Variants in SCD5 observed in about 807,000 individuals in gnomAD.
The protein encoded by SCD5 is acyl-CoA-desaturase 4.
SCD5 carries 20 observed loss-of-function variants against 30.4 expected under a neutral mutation model. That is an observed-to-expected ratio of 0.66 (90% CI 0.46 to 0.96). The LOEUF is 0.96. SCD5 is among the 40% of genes least tolerant of loss of function. The pLI is 0.00. For missense variants in SCD5, 381 were observed against 443.3 expected, an observed-to-expected ratio of 0.86 and a Z score of 1.26; for synonymous variants, 173 against 176.4, an observed-to-expected ratio of 0.98 and a Z score of 0.16.
At chr4:82,720,087 C>A (rs368657449) in intron 1 of SCD5, among the ~76,000 whole-genome samples, 18 of 152,024 alleles carry the variant, frequency 1.2e-4, no homozygotes, top group Admixed American at 3.3e-4. Context: ...CATAATGCAA[C>A]CCTGAGTATA....
At chr4:82,735,988 C>A (rs1450483994) in intron 1 of SCD5, among the ~76,000 whole-genome samples, 1 of 152,104 alleles carries the variant, frequency 6.6e-6, no homozygotes, top group Non-Finnish European at 1.5e-5. Context: ...TTATAACACA[C>A]AAATTTATTA....
intron 1 of SCD5, among the ~76,000 whole-genome samples, chr4:82,729,295 G>A (rs1021335804): frequency 2.6e-5 from 4 of 152,208 alleles, no homozygotes; most frequent in African/African-American, 7.2e-5. Flanking sequence ...GAAGGAAGGA[G>A]GGGCTGTACC....
At chr4:82,702,857 T>G (rs534901863) in intron 2 of SCD5, among the ~76,000 whole-genome samples, 17 of 152,242 alleles carry the variant, frequency 1.1e-4, no homozygotes, top group Admixed American at 3.3e-4. Flanking sequence ...TAGGGTTAAG[T>G]GGTTTAAATA....
intron 3 of SCD5, among the ~76,000 whole-genome samples, chr4:82,668,005 G>A (rs918908305): frequency 1.3e-5 from 2 of 152,182 alleles, no homozygotes; most frequent in African/African-American, 4.8e-5. Context: ...ATGATGAAGT[G>A]AGGAGAGAAT....
At chr4:82,698,153 T>C (rs1374716774) in intron 2 of SCD5, 1 of 456,226 alleles carries the variant, frequency 2.2e-6, no homozygotes, top group Non-Finnish European at 4.4e-6. Flanking sequence ...CTGTTTCTGA[T>C]GTGCAGAAGA....
chr4:82,694,367 T>C (rs974174055), intron 2 of SCD5, among the ~76,000 whole-genome samples: 5 of 152,310 alleles, frequency 3.3e-5, no homozygotes, highest in Non-Finnish European at 7.4e-5. Flanking sequence ...GTTGACGCTG[T>C]CAGTGCCAAA....
intron 1 of SCD5, among the ~76,000 whole-genome samples, chr4:82,784,609 T>C (rs1344099279): frequency 6.6e-6 from 1 of 152,128 alleles, no homozygotes; most frequent in Non-Finnish European, 1.5e-5. Flanking sequence ...GACAAGTGAG[T>C]GAAAGCCCCA....
In SCD5 at chr4:82,665,005, A is replaced by C. The variant is rs1318666257; in HGVS notation, c.569+15702T>G. 7.1e-3 allele frequency among the ~76,000 whole-genome samples: 806 copies of C among 112,982 alleles called. 13 individuals carry two copies. Among genetic ancestry groups the C allele is most frequent in the African/African-American group, 0.021 (532 of 24,842 alleles). The allele number at this position is 112,982 out of a possible 152,430, so 74.1% of individuals were successfully genotyped here. ...TCTCTCTCTCTCTCTCTCTCTATAT[A>C]TATATATATATATATGTATAATACA... On this transcript the variant is annotated intron_variant, in intron 3 of 4. Coordinates refer to ENST00000319540, the MANE Select transcript of SCD5 (RefSeq NM_001037582.3).
chr4:82,708,497 C>G (rs1319869573), intron 1 of SCD5, among the ~76,000 whole-genome samples: 3 of 152,120 alleles, frequency 2.0e-5, no homozygotes, highest in Non-Finnish European at 2.9e-5. Context: ...GACCCTACAC[C>G]TATGCCTGAA....
chr4:82,763,268 T>C (rs1279124079), intron 1 of SCD5, among the ~76,000 whole-genome samples: 2 of 152,094 alleles, frequency 1.3e-5, no homozygotes, highest in African/African-American at 4.8e-5. Flanking sequence ...TCCCAGCACT[T>C]TGGGAGGCTG....
chr4:82,745,540 T>G (rs1031183249), intron 1 of SCD5, among the ~76,000 whole-genome samples: 5 of 152,248 alleles, frequency 3.3e-5, no homozygotes, highest in Non-Finnish European at 7.3e-5. Flanking sequence ...GGGGTACATG[T>G]GCAGGATGTG....
At chr4:82,652,510 T>C (rs1250369834) in intron 3 of SCD5, among the ~76,000 whole-genome samples, 1 of 152,114 alleles carries the variant, frequency 6.6e-6, no homozygotes, top group East Asian at 1.9e-4. Context: ...AGATTCCAAT[T>C]CTACCACTTA....
intron 1 of SCD5, among the ~76,000 whole-genome samples, chr4:82,731,004 AC>A (rs1458602836): frequency 6.6e-6 from 1 of 152,290 alleles, no homozygotes; most frequent in East Asian, 1.9e-4. Flanking sequence ...TGCTTGGGGT[AC>A]ACAGGAAACC....
intron 2 of SCD5, among the ~76,000 whole-genome samples, chr4:82,694,858 C>G (rs1239966948): frequency 6.6e-6 from 1 of 152,150 alleles, no homozygotes; most frequent in Non-Finnish European, 1.5e-5. Context: ...CTGCGCAGTT[C>G]AAACCCATTC....
At chr4:82,736,375 G>T (rs1163575076) in intron 1 of SCD5, among the ~76,000 whole-genome samples, 1 of 149,246 alleles carries the variant, frequency 6.7e-6, no homozygotes, top group Non-Finnish European at 1.5e-5. Context: ...TTGAGAGGCT[G>T]AGGCAGGTGG....
intron 4 of SCD5, among the ~76,000 whole-genome samples, chr4:82,632,811 C>T (rs944949717): frequency 1.3e-5 from 2 of 152,054 alleles, no homozygotes; most frequent in African/African-American, 4.8e-5. Flanking sequence ...CTCATGAGAG[C>T]TCTCATGGCT....
At chr4:82,734,703 T>C (rs188742082) in intron 1 of SCD5, among the ~76,000 whole-genome samples, 16 of 152,190 alleles carry the variant, frequency 1.1e-4, no homozygotes, top group Middle Eastern at 3.4e-3. Context: ...TTTTTAGCTG[T>C]ATTGTTGCTT....
intron 1 of SCD5, among the ~76,000 whole-genome samples, chr4:82,797,865 G>A (rs954435690): frequency 6.6e-6 from 1 of 152,094 alleles, no homozygotes; most frequent in African/African-American, 2.4e-5. Flanking sequence ...TCCGTGACCC[G>A]CGGAGGTGAT....
chr4:82,697,384 A>G (rs138749929), intron 2 of SCD5, among the ~76,000 whole-genome samples: 27 of 152,286 alleles, frequency 1.8e-4, no homozygotes, highest in Admixed American at 5.9e-4. Flanking sequence ...AAATATATCC[A>G]CTGTACAAAG....
Sources: allele counts gnomAD v4.1 joint callset (sites outside exome capture counted in the v4.1 genomes callset), GRCh38; gene constraint gnomAD v4.1.1; transcripts MANE v1.5; gene names NCBI Gene and HGNC (gene_info 2026-07-23, HGNC 2026-07-21).